Variants in FBXW11 observed in about 807,000 individuals in gnomAD.
The protein encoded by FBXW11 is F-box/WD repeat-containing protein 11.
Under a neutral mutation model 77.6 loss-of-function variants are expected in FBXW11, and 19 were observed. The observed-to-expected ratio is 0.24, with a 90% confidence interval of 0.17 to 0.36. The LOEUF (loss-of-function observed/expected upper bound fraction) is 0.36, where lower values mean the gene tolerates loss of function less well. Ranked by LOEUF, FBXW11 falls within the 10% of genes least tolerant of loss-of-function variation. FBXW11 has a pLI of 1.00. For missense variants in FBXW11, 334 were observed against 704.2 expected (o/e 0.47, Z 5.95); for synonymous variants, 235 against 249.4 (o/e 0.94, Z 0.54).
At chr5:171,870,895 C>G in intron 10 of FBXW11, 37 bp from the exon 11 acceptor site, 2 of 1,448,686 alleles carry the variant, frequency 1.4e-6, no homozygotes, top group Non-Finnish European at 9.7e-7. Context: ...AACAAATTCC[C>G]ACACACGATT....
At chr5:171,893,151 TA>T (rs1232406647) in intron 6 of FBXW11, among the ~76,000 whole-genome samples, 1 of 151,956 alleles carries the variant, frequency 6.6e-6, no homozygotes, top group African/African-American at 2.4e-5. Context: ...CACGTATACT[TA>T]AAAAGCGATT....
intron 1 of FBXW11, among the ~76,000 whole-genome samples, chr5:171,971,556 T>G (rs1200321020): frequency 6.6e-6 from 1 of 152,226 alleles, no homozygotes; most frequent in Non-Finnish European, 1.5e-5. Context: ...TCAAATCCTT[T>G]TTCTGAAATA....
At chr5:172,006,407 G>A in intron 1 of FBXW11, 51 bp downstream of exon 1, 1 of 1,493,110 alleles carries the variant, frequency 6.7e-7, no homozygotes, top group Non-Finnish European at 9.0e-7. Flanking sequence ...GGGCAGGCCC[G>A]CCCGGGGCCG....
intron 1 of FBXW11, among the ~76,000 whole-genome samples, chr5:171,959,857 A>AAAAAAAAAG (rs1763810435): frequency 7.6e-6 from 1 of 130,910 alleles, no homozygotes; most frequent in African/African-American, 2.9e-5. Context: ...CAAAAAAAAA[A>AAAAAAAAAG]AAAAGAAAAG....
intron 2 of FBXW11, among the ~76,000 whole-genome samples, chr5:171,931,493 C>T (rs561192590): frequency 6.6e-5 from 10 of 152,298 alleles, no homozygotes; most frequent in African/African-American, 2.4e-4. Context: ...AATCTAGACA[C>T]TCAGCTTACA....
At chr5:171,930,762 T>TAAAAAAAAAAAAAAAAAA (rs59700625) in intron 2 of FBXW11, among the ~76,000 whole-genome samples, 1 of 126,534 alleles carries the variant, frequency 7.9e-6, no homozygotes. Context: ...AATAAAAAAA[T>TAAAAAAAAAAAAAAAAAA]AAAAAAAAAA....
intron 1 of FBXW11, among the ~76,000 whole-genome samples, chr5:172,003,996 A>C (rs558856727): frequency 6.6e-6 from 1 of 152,318 alleles, no homozygotes; most frequent in East Asian, 1.9e-4. Context: ...ATCTAAAAAT[A>C]TTTCATGCTT....
intron 2 of FBXW11, among the ~76,000 whole-genome samples, chr5:171,956,389 C>T (rs1763616226): frequency 6.6e-6 from 1 of 152,130 alleles, no homozygotes; most frequent in Admixed American, 6.6e-5. Flanking sequence ...AGACTTGTAA[C>T]CCACCTTTAT....
intron 2 of FBXW11, among the ~76,000 whole-genome samples, chr5:171,943,862 A>G (rs1342947573): frequency 1.3e-5 from 2 of 152,244 alleles, no homozygotes; most frequent in Non-Finnish European, 2.9e-5. Context: ...CTACTAAATT[A>G]TACAGAGCAA....
In FBXW11 at chr5:171,993,094, G is replaced by C. The variant is rs150011602; in HGVS notation, c.45+13364C>G. ...CTGGGAAGCAAAAGCAAGCAGAAGA[G>C]GTGAACGAAGAGGCTTTACCACAGG... On this transcript the variant is annotated intron_variant, in intron 1 of 13. Transcript: ENST00000517395. 1.5e-4 allele frequency among the ~76,000 whole-genome samples: 22 copies of C among 151,578 alleles called. No homozygotes were observed. In the East Asian group the frequency reaches 4.3e-3, roughly 30 times the overall value.
intron 2 of FBXW11, among the ~76,000 whole-genome samples, chr5:171,933,793 C>T (rs1488007730): frequency 6.6e-6 from 1 of 152,132 alleles, no homozygotes; most frequent in Non-Finnish European, 1.5e-5. Context: ...ACTTAAACTA[C>T]CTCAAACTGC....
chr5:171,952,422 C>CATACATATAT (rs1331758426), intron 2 of FBXW11, among the ~76,000 whole-genome samples: 2 of 14,642 alleles, frequency 1.4e-4, no homozygotes, highest in Non-Finnish European at 2.7e-4. Context: ...TGTGTACATA[C>CATACATATAT]ATATATATAT....
chr5:171,902,903 G>A (rs973421914), intron 4 of FBXW11, among the ~76,000 whole-genome samples: 1 of 152,084 alleles, frequency 6.6e-6, no homozygotes, highest in Non-Finnish European at 1.5e-5. Context: ...TTGGGTTGGG[G>A]GGATGGTGGG....
intron 1 of FBXW11, among the ~76,000 whole-genome samples, chr5:172,005,818 C>G (rs1766719084): frequency 6.6e-6 from 1 of 152,142 alleles, no homozygotes; most frequent in Admixed American, 6.5e-5. Flanking sequence ...GCAAACATCC[C>G]TCTCCGCCGG....
chr5:171,877,804 T>C (rs774135531), intron 8 of FBXW11, among the ~76,000 whole-genome samples: 1 of 152,234 alleles, frequency 6.6e-6, no homozygotes, highest in Non-Finnish European at 1.5e-5. Context: ...TTGTCATCTC[T>C]ACAATGAACA....
Position 171,891,617 on chromosome 5 carries a change from G to T in FBXW11, c.715-13C>A. ...TAGATTCTATAGTCTAGGGAAAAAA[G>T]GAGGCAAGAGATGAGTTTTTATGAA... is the stretch of plus-strand genomic sequence containing the variant. On this transcript the variant is annotated splice_polypyrimidine_tract_variant and intron_variant, in intron 6 of 13. Transcript: ENST00000517395. 6.2e-7 allele frequency: 1 copy of T among 1,601,670 alleles called. No individual in the cohort carries two copies. Among genetic ancestry groups the T allele is most frequent in the African/African-American group, 1.4e-5 (1 of 73,824 alleles).
intron 1 of FBXW11, among the ~76,000 whole-genome samples, chr5:171,982,801 GCCCT>G (rs1296423835): frequency 6.6e-6 from 1 of 152,056 alleles, no homozygotes; most frequent in Non-Finnish European, 1.5e-5. Flanking sequence ...ACCTTCTCCA[GCCCT>G]CCTTTGACCT....
In FBXW11 at chr5:171,957,771, A is replaced by T. The variant is rs549758353; in HGVS notation, c.46-73T>A. ...CAACAAATCACTCCTTCACACAGGC[A>T]ACTTGAATGTTAGTTGGGGCAGGGG... On this transcript the variant is annotated intron_variant, in intron 1 of 13. Transcript: ENST00000517395. 7 of 1,280,546 alleles carry T rather than the reference A, an allele frequency of 5.5e-6. No individual in the cohort carries two copies. In the South Asian group the frequency reaches 7.1e-5, roughly 13 times the overall value. The allele number at this position is 1,280,546 out of a possible 1,614,324, so 79.3% of individuals were successfully genotyped here.
At chr5:171,966,198 C>T (rs1764178359) in intron 1 of FBXW11, among the ~76,000 whole-genome samples, 1 of 152,160 alleles carries the variant, frequency 6.6e-6, no homozygotes, top group Admixed American at 6.5e-5. Flanking sequence ...AAAACATATT[C>T]TTTTACCAGG....
Sources: gnomAD v4.1 joint callset for allele counts (sites outside exome capture counted in the v4.1 genomes callset) on GRCh38, gnomAD v4.1.1 for gene constraint, MANE v1.5 for transcripts, NCBI Gene and HGNC (gene_info 2026-07-23, HGNC 2026-07-21) for gene names.